CTNNA2: variants seen among roughly 807,000 people sequenced by gnomAD.
CTNNA2 encodes the protein catenin alpha 2.
A neutral mutation model predicts 101.0 loss-of-function variants in CTNNA2; 42 were observed. That is an observed-to-expected ratio of 0.42 (90% confidence interval 0.32 to 0.54). The LOEUF is 0.54. Ranked by LOEUF, CTNNA2 falls within the 20% of genes least tolerant of loss-of-function variation. The pLI, the probability that CTNNA2 is intolerant of heterozygous loss-of-function variation, is 0.14. For synonymous variants in CTNNA2, 450 were observed against 456.4 expected (o/e 0.99, Z 0.18); for missense variants, 871 against 1,223.1 (o/e 0.71, Z 4.29).
intron 3 of CTNNA2, 145 bp downstream of exon 3, chr2:79,744,727 G>T: frequency 2.6e-6 from 2 of 770,268 alleles, no homozygotes; most frequent in Non-Finnish European, 2.0e-6. Flanking sequence ...TTTAATGTTT[G>T]CTGGATGTGG....
intron 9 of CTNNA2, among the ~76,000 whole-genome samples, chr2:80,544,051 T>A (rs1273059523): frequency 6.6e-6 from 1 of 152,084 alleles, no homozygotes; most frequent in Non-Finnish European, 1.5e-5. Context: ...TCACCTTGAA[T>A]TACCAACTCT....
intron 6 of CTNNA2, among the ~76,000 whole-genome samples, chr2:79,874,770 T>G (rs974470690): frequency 6.6e-6 from 1 of 151,992 alleles, no homozygotes; most frequent in Admixed American, 6.6e-5. Flanking sequence ...ATCGTGCCAT[T>G]GCACTCCAGC....
chr2:80,442,230 T>A (rs954162046), intron 9 of CTNNA2, among the ~76,000 whole-genome samples: 1 of 152,206 alleles, frequency 6.6e-6, no homozygotes, highest in African/African-American at 2.4e-5. Flanking sequence ...AGTATGGTGA[T>A]GTGGTCAGTG....
chr2:79,936,419 C>T (rs1475655753), intron 7 of CTNNA2, among the ~76,000 whole-genome samples: 1 of 152,046 alleles, frequency 6.6e-6, no homozygotes, highest in East Asian at 1.9e-4. Flanking sequence ...CTGAATGTGC[C>T]CTGTGGGAAC....
intron 9 of CTNNA2, among the ~76,000 whole-genome samples, chr2:80,422,917 C>T (rs1340463302): frequency 6.6e-6 from 1 of 151,770 alleles, no homozygotes; most frequent in African/African-American, 2.4e-5. Context: ...TTTTAAATTT[C>T]TTTTAAGGTC....
chr2:80,025,459 G>C (rs1344048161), intron 7 of CTNNA2, among the ~76,000 whole-genome samples: 4 of 152,206 alleles, frequency 2.6e-5, no homozygotes, highest in Non-Finnish European at 5.9e-5. Context: ...TTTTAGAGCT[G>C]TCATCATTAA....
intron 3 of CTNNA2, among the ~76,000 whole-genome samples, chr2:79,830,180 GAGAT>G (rs895565608): frequency 1.5e-4 from 20 of 133,326 alleles, no homozygotes; most frequent in Non-Finnish European, 3.0e-4. Context: ...GTACATAAGG[GAGAT>G]AGAGTATTTA....
At chr2:79,554,540 G>A (rs1298850351) in intron 1 of CTNNA2, among the ~76,000 whole-genome samples, 1 of 152,084 alleles carries the variant, frequency 6.6e-6, no homozygotes, top group Non-Finnish European at 1.5e-5. Context: ...AATTATTAAG[G>A]TAGTTTTGTC....
chr2:80,407,508 A>G (rs534333503), intron 8 of CTNNA2, among the ~76,000 whole-genome samples: 2 of 152,300 alleles, frequency 1.3e-5, no homozygotes, highest in African/African-American at 4.8e-5. Context: ...TTGTGCTACA[A>G]CTGCAGACTT....
In CTNNA2 at chr2:80,070,717, C is replaced by CAA. The variant is rs70940074; in HGVS notation, c.1056+160933_1056+160934dup. On this transcript the variant is annotated intron_variant, in intron 7 of 18. Coordinates refer to ENST00000402739, the MANE Select transcript of CTNNA2 (RefSeq NM_001282597.3). ...CGGCAAACAGAGTGAGACCCTGTCT[C>CAA]AAAAAAAAAAAAAAGTCTGAAATCA... Among the ~76,000 whole-genome samples the CAA allele has an allele frequency of 3.9e-3, 541 of 140,350 alleles. 5 individuals are homozygous for CAA. Among genetic ancestry groups the CAA allele is most frequent in the African/African-American group, 0.01 (394 of 37,630 alleles). The allele number at this position is 140,350 out of a possible 152,430, so 92.1% of individuals were successfully genotyped here.
rs1673363808 is a variant in CTNNA2 at position 79,540,838 on chromosome 2, AG to A, written c.-6+27632del. Among the ~76,000 whole-genome samples the A allele has an allele frequency of 3.3e-5, 5 of 152,184 alleles. 1 individual carries two copies. The South Asian group carries it at 1.0e-3, about 32-fold the overall frequency. On this transcript the variant is annotated intron_variant, in intron 1 of 18. Transcript: ENST00000402739. The stretch of plus-strand genomic sequence containing the variant: ...ATTTGTTTATTTCTGAGTACTTTGA[AG>A]TGTTGATAACTTTTCCTACTTACTG...
At chr2:80,299,393 A>G (rs1336164948) in intron 7 of CTNNA2, 1 of 151,916 alleles carries the variant, frequency 6.6e-6, no homozygotes, top group Non-Finnish European at 1.5e-5. Flanking sequence ...CTCCAGAGCT[A>G]GAGGCACAGG....
chr2:80,355,769 C>T (rs989739213), intron 7 of CTNNA2, among the ~76,000 whole-genome samples: 1 of 151,918 alleles, frequency 6.6e-6, no homozygotes, highest in Non-Finnish European at 1.5e-5. Flanking sequence ...CTTTTTTGAA[C>T]TCTTATATAA....
intron 14 of CTNNA2, among the ~76,000 whole-genome samples, chr2:80,583,453 G>T (rs1349356572): frequency 6.6e-6 from 1 of 152,178 alleles, no homozygotes; most frequent in African/African-American, 2.4e-5. Context: ...AACGTCAGAT[G>T]AATTAAACAG....
intron 7 of CTNNA2, among the ~76,000 whole-genome samples, chr2:79,988,468 G>T (rs1354194509): frequency 3.5e-4 from 10 of 28,286 alleles, no homozygotes; most frequent in Non-Finnish European, 1.1e-3. Flanking sequence ...GTATGTGTAT[G>T]TGTGTGTGTG....
intron 1 of CTNNA2, among the ~76,000 whole-genome samples, chr2:79,613,582 A>C (rs1044558335): frequency 6.6e-6 from 1 of 152,208 alleles, no homozygotes; most frequent in Non-Finnish European, 1.5e-5. Flanking sequence ...ATTGAAGACG[A>C]AATGATAGAG....
chr2:80,385,496 G>A (rs997478642), intron 7 of CTNNA2, among the ~76,000 whole-genome samples: 4 of 152,142 alleles, frequency 2.6e-5, no homozygotes, highest in African/African-American at 9.7e-5. Flanking sequence ...TAAATTTCCT[G>A]TTGTCATAAG....
chr2:80,037,165 A>G (rs1695720750), intron 7 of CTNNA2, among the ~76,000 whole-genome samples: 2 of 152,200 alleles, frequency 1.3e-5, no homozygotes, highest in Non-Finnish European at 2.9e-5. Context: ...TGTTGTAAGA[A>G]GATGAAGGGG....
At chr2:80,138,967 C>T (rs1227304059) in intron 7 of CTNNA2, among the ~76,000 whole-genome samples, 1 of 152,154 alleles carries the variant, frequency 6.6e-6, no homozygotes, top group Non-Finnish European at 1.5e-5. Context: ...TCCATGTTGA[C>T]TATATGGTGA....
Sources: gnomAD v4.1 joint callset for allele counts (sites outside exome capture counted in the v4.1 genomes callset) on GRCh38, gnomAD v4.1.1 for gene constraint, MANE v1.5 for transcripts, NCBI Gene and HGNC (gene_info 2026-07-23, HGNC 2026-07-21) for gene names.